The following ASPM variants were observed in gnomAD, a reference collection of about 807,000 sequenced individuals.
The protein encoded by ASPM is abnormal spindle-like microcephaly-associated protein.
ASPM carries 256 observed loss-of-function variants against 366.4 expected under a neutral mutation model. The observed-to-expected ratio is 0.70, with a 90% confidence interval of 0.63 to 0.77. ASPM has a LOEUF of 0.77. ASPM is among the 30% of genes least tolerant of loss of function. The pLI, the probability that ASPM is intolerant of heterozygous loss-of-function variation, is 0.00. For missense variants in ASPM, 4,146 were observed against 4,090.4 expected (o/e 1.01, Z -0.37); for synonymous variants, 1,414 against 1,342.9 (o/e 1.05, Z -1.16).
Position 197,134,445 on chromosome 1 carries a change from C to T in ASPM, c.2173+651G>A, listed in dbSNP as rs540210475. 6.5e-4 allele frequency among the ~76,000 whole-genome samples: 98 copies of T among 151,936 alleles called. 1 individual carries two copies. Among genetic ancestry groups the T allele is most frequent in the Non-Finnish European group, 8.0e-4 (54 of 67,920 alleles). ...AAAAAGAAAAAAAATCCTATACACG[C>T]GCTTCTCTGACAAAAATAAATCAGT... On this transcript the variant is annotated intron_variant, in intron 5 of 27. Coordinates refer to ENST00000367409, the MANE Select transcript of ASPM (RefSeq NM_018136.5).
At position 197,094,138 on chromosome 1, in the gene ASPM, T is replaced by A; in HGVS notation, c.9030A>T (p.Lys3010Asn). The A allele has an allele frequency of 6.2e-7, 1 of 1,607,818 alleles. No homozygotes were observed. The highest frequency in any genetic ancestry group is 2.2e-5 in the East Asian group (1 of 44,540). Reference sequence around the variant, plus strand: ...TCTTTGCAGGAAGTATAGCTCTCCATTTTCTCTGAATGATAATTGCTGATG... The same window carrying A: ...TCTTTGCAGGAAGTATAGCTCTCCAATTTCTCTGAATGATAATTGCTGATG... ...VRASAIIIQR[K>N]WRAILPAKIA... The change falls in exon 20 of 28, where the codon AAA becomes AAT. Residue 3010 changes from lysine (K) to asparagine (N), a missense_variant. Physicochemically the swap from Lys to Asn is moderately conservative, Grantham distance 94 (BLOSUM62 0). Around this residue, in one of 3 missense-constraint regions of ASPM, gnomAD observed 3,624 missense variants for 3,591.7 expected, o/e 1.01. Transcript: ENST00000367409.
chr1:197,144,505 C>G (rs908628551), intron 1 of ASPM, among the ~76,000 whole-genome samples: 2 of 152,156 alleles, frequency 1.3e-5, no homozygotes, highest in Non-Finnish European at 2.9e-5. Flanking sequence ...AGCTAAATTC[C>G]TTCTTCCTTA....
In ASPM at chr1:197,088,467, T is replaced by C. The variant is rs756045485; in HGVS notation, c.9985-35A>G. ...AACAGAATGAAATTAAAAGTTGTAA[T>C]AAACACATACATTTACAAACAACCC... On this transcript the variant is annotated intron_variant, in intron 25 of 27. Coordinates refer to ENST00000367409, the MANE Select transcript of ASPM (RefSeq NM_018136.5). The C allele has an allele frequency of 1.4e-5, 21 of 1,549,924 alleles. No individual in the cohort carries two copies. The South Asian group carries it at 2.4e-4, about 18-fold the overall frequency.
At position 197,104,214 on chromosome 1, in the gene ASPM, T is replaced by C. The variant is rs1266014287; in HGVS notation, c.5037A>G (p.Lys1679=). 8.1e-6 allele frequency: 13 copies of C among 1,612,582 alleles called. No individual in the cohort carries two copies. Among genetic ancestry groups the C allele is most frequent in the Non-Finnish European group, 1.0e-5 (12 of 1,179,266 alleles). ...YVSKKEFLSL[K]NATIKLQSTV... ...TTGACTGCAATTTTATTGTAGCATT[T>C]TTTAGGCTCAAAAATTCCTTTTTAG... is the stretch of plus-strand genomic sequence containing the variant. Residue 1679 remains lysine, a synonymous_variant, in exon 18 of 28, where the codon AAA becomes AAG. Transcript: ENST00000367409.
rs574602058 is a variant in ASPM at position 197,105,857 on chromosome 1, C to G, written c.4066-672G>C. Among the ~76,000 whole-genome samples the G allele has an allele frequency of 2.6e-5, 4 of 152,096 alleles. No homozygotes were observed. In the South Asian group the frequency reaches 8.3e-4, roughly 32 times the overall value. ...AATGGCTAATCCAACTGTATGTTGGCTCAACAAAAAGAGCTACAAACTCTC... is the reference window on the plus strand; with the variant it reads ...AATGGCTAATCCAACTGTATGTTGGGTCAACAAAAAGAGCTACAAACTCTC... On this transcript the variant is annotated intron_variant, in intron 17 of 27. Transcript: ENST00000367409.
In ASPM at chr1:197,097,318, G is replaced by A. The variant is rs186170506; in HGVS notation, c.8821-1154C>T. ...TCTTTGTTTCTCTCTTCTGTAATAC[G>A]CTTCCCCCTGCACAGATCTCCCCAT... On this transcript the variant is annotated intron_variant, in intron 18 of 27. Coordinates refer to ENST00000367409, the MANE Select transcript of ASPM (RefSeq NM_018136.5). Among the ~76,000 whole-genome samples, 54 of 151,676 alleles carry A rather than the reference G, an allele frequency of 3.6e-4. No individual in the cohort carries two copies. Among genetic ancestry groups the A allele is most frequent in the African/African-American group, 1.3e-3 (54 of 41,434 alleles).
intron 6 of ASPM, 21 bp from the exon 7 acceptor site, chr1:197,132,373 A>G: frequency 6.2e-7 from 1 of 1,601,510 alleles, no homozygotes; most frequent in Non-Finnish European, 8.6e-7. Context: ...TGTCAAAGGC[A>G]AATAAGTTCA....
In ASPM at chr1:197,091,024, T is replaced by G; in HGVS notation, c.9462A>C (p.Arg3154Ser). 1 of 1,611,332 alleles carries G rather than the reference T, an allele frequency of 6.2e-7. No individual in the cohort carries two copies. Among genetic ancestry groups the G allele is most frequent in the South Asian group, 1.1e-5 (1 of 90,972 alleles). ...VICIQRWFRA[R>S]LQEKRFIQKY... ...TCTGAATAAATCTCTTTTCTTGTAA[T>G]CTTGCTCGAAACCATCTCTGTTTAA... is the stretch of plus-strand genomic sequence containing the variant. Residue 3154 changes from arginine (R) to serine (S), a missense_variant, in exon 23 of 28, where the codon AGA becomes AGC. By Grantham distance (110) the Arg-to-Ser change is moderately radical. This residue lies in a region of ASPM where 3,624 missense variants were observed against 3,591.7 expected (regional missense o/e 1.01). Transcript: ENST00000367409.
At chr1:197,129,373 C>A in intron 8 of ASPM, 56 bp from the exon 9 acceptor site, 1 of 1,547,002 alleles carries the variant, frequency 6.5e-7, no homozygotes, top group South Asian at 1.1e-5. Flanking sequence ...TAGGTTTCAT[C>A]TTAAAATATG....
chr1:197,134,715 C>T (rs999532171), intron 5 of ASPM, among the ~76,000 whole-genome samples: 4 of 152,178 alleles, frequency 2.6e-5, no homozygotes, highest in Non-Finnish European at 4.4e-5. Context: ...AGAACAAACA[C>T]TGAAATGTTT....
chr1:197,088,363 T>C lies in ASPM; in HGVS notation c.10054A>G (p.Ile3352Val). 1 of 1,612,498 alleles carries C rather than the reference T, an allele frequency of 6.2e-7. No individual in the cohort carries two copies. The highest frequency in any genetic ancestry group is 8.5e-7 in the Non-Finnish European group (1 of 1,178,862). The change falls in exon 26 of 28, where the codon ATA becomes GTA. Residue 3352 changes from isoleucine to valine, a missense_variant. This residue lies in a region of ASPM where 3,624 missense variants were observed against 3,591.7 expected (regional missense o/e 1.01). Coordinates refer to ENST00000367409, the MANE Select transcript of ASPM (RefSeq NM_018136.5). ...TTATTACCAGGCTTTTCTCGGTATA[T>C]CTGCAAAAGCTCCAATAGTATATCT... ...CIDILLELLQ[I>V]YREKPGNKVA... is the part of the protein sequence containing the mutation.
At chr1:197,139,998 T>C in intron 3 of ASPM, 127 bp from the exon 4 acceptor site, 1 of 666,098 alleles carries the variant, frequency 1.5e-6, no homozygotes, top group Middle Eastern at 4.1e-4. Flanking sequence ...TAATAACCAC[T>C]GTACTCCACG....
At position 197,122,157 on chromosome 1, in the gene ASPM, AC is replaced by A; in HGVS notation, c.3741+1del. The A allele has an allele frequency of 6.2e-7, 1 of 1,608,344 alleles. No individual in the cohort carries two copies. Among genetic ancestry groups the A allele is most frequent in the Non-Finnish European group, 8.5e-7 (1 of 1,175,260 alleles). ...ATAATTAGAAACTCTTCTTTTACTT[AC>A]CTTTTCATCTGGAATTGTATTTGAC... is the stretch of plus-strand genomic sequence containing the variant. On this transcript the variant is annotated splice_donor_variant, in intron 15 of 27. Transcript: ENST00000367409. LOFTEE classifies it high-confidence loss of function.
Position 197,146,415 on chromosome 1 carries a change from C to G in ASPM, c.23G>C (p.Arg8Pro). ...GGTCGGGCTCACTTCCCAGCAGCCT[C>G]GCCCCACTCGCCGGTTCGCCATGGC... The part of the protein sequence containing the change: MANRRVG[R>P]GCWEVSPTER... Residue 8 changes from arginine to proline, a missense_variant, in exon 1 of 28, where the codon CGA becomes CCA. Arg to Pro is a moderately radical substitution (Grantham distance 103). This residue lies in a region of ASPM where 512 missense variants were observed against 471.7 expected (regional missense o/e 1.09). Transcript: ENST00000367409. The G allele has an allele frequency of 1.9e-6, 3 of 1,608,866 alleles. No homozygotes were observed. Among genetic ancestry groups the G allele is most frequent in the Non-Finnish European group, 1.7e-6 (2 of 1,179,482 alleles).
At position 197,090,071 on chromosome 1, in the gene ASPM, T is replaced by C. The variant is rs1365475626; in HGVS notation, c.9843A>G (p.Arg3281=). ...TGTTCTCACAACAAAGTGGAGACAA[T>C]CTAGTAACTACCTCTGAAAGAAAAA... ...EALKHLEVVT[R]LSPLCCENMA... is the part of the protein sequence containing the mutation. Residue 3281 remains arginine, a synonymous_variant, in exon 25 of 28, where the codon AGA becomes AGG. Transcript: ENST00000367409. 6.2e-7 allele frequency: 1 copy of C among 1,612,898 alleles called. No individual in the cohort carries two copies. The highest frequency in any genetic ancestry group is 2.2e-5 in the East Asian group (1 of 44,800).
chr1:197,097,422 G>A lies in ASPM; in HGVS notation c.8821-1258C>T, dbSNP rs567134717. Among the ~76,000 whole-genome samples, 16 of 151,670 alleles carry A rather than the reference G, an allele frequency of 1.1e-4. No homozygotes were observed. The South Asian group carries it at 2.3e-3, about 22-fold the overall frequency. ...CTTTGGATGTTAATCCGACTGGGTC[G>A]GTGCACATAAATAATTAAATAATTC... On this transcript the variant is annotated intron_variant, in intron 18 of 27. Transcript: ENST00000367409.
chr1:197,146,237 T>C lies in ASPM; in HGVS notation c.201A>G (p.Leu67=). 6.2e-7 allele frequency: 1 copy of C among 1,613,982 alleles called. No homozygotes were observed. Among genetic ancestry groups the C allele is most frequent in the South Asian group, 1.1e-5 (1 of 91,084 alleles). ...LGASRTLSLA[L]DNPNEEVAEV... is the part of the protein sequence containing the mutation. ...CTGCCACCTCCTCGTTAGGGTTGTC[T>C]AGGGCCAGAGACAGCGTCCGTGAGG... Residue 67 remains leucine (L), a synonymous_variant, in exon 1 of 28, where the codon CTA becomes CTG. Coordinates refer to ENST00000367409, the MANE Select transcript of ASPM (RefSeq NM_018136.5).
rs755852152 is a variant in ASPM at position 197,125,207 on chromosome 1, T to C, written c.2937-16A>G. ...CATGGTTCGCCTGGCAGTAATAAAA[T>C]GTTCAGATGAAATTATCATAAAAAC... On this transcript the variant is annotated splice_polypyrimidine_tract_variant and intron_variant, in intron 10 of 27. Coordinates refer to ENST00000367409, the MANE Select transcript of ASPM (RefSeq NM_018136.5). The C allele has an allele frequency of 1.2e-6, 2 of 1,613,462 alleles. No homozygotes were observed. The highest frequency in any genetic ancestry group is 1.3e-5 in the African/African-American group (1 of 74,892).
chr1:197,145,863 TATATAATA>T (rs1300600040), intron 1 of ASPM, among the ~76,000 whole-genome samples: 9 of 124,364 alleles, frequency 7.2e-5, no homozygotes, highest in African/African-American at 2.4e-4. Context: ...TATATATATA[TATATAATA>T]TTGACACATA....
Sources: gnomAD v4.1 joint callset for allele counts (sites outside exome capture counted in the v4.1 genomes callset) on GRCh38, gnomAD v4.1.1 for gene constraint, gnomAD v4.1.1 regional missense constraint, MANE v1.5 for transcripts, NCBI Gene and HGNC (gene_info 2026-07-23, HGNC 2026-07-21) for gene names.